RALYL: variants seen among roughly 807,000 people sequenced by gnomAD.
RALYL encodes the protein RALY RNA binding protein like.
In RALYL, 29 loss-of-function variants were observed where a neutral mutation model predicts 35.1. The ratio of observed to expected loss-of-function variants is 0.83; its 90% CI spans 0.61 to 1.13. RALYL has a LOEUF of 1.13. Among genes scored for constraint, RALYL ranks in the 50% most tolerant of loss-of-function variants. The pLI is 0.00. For missense variants in RALYL, 359 were observed against 360.4 expected (o/e 1.00, Z 0.03); for synonymous variants, 120 against 127.6 (o/e 0.94, Z 0.40).
At chr8:84,555,073 G>A (rs1022607730) in intron 2 of RALYL, among the ~76,000 whole-genome samples, 9 of 152,142 alleles carry the variant, frequency 5.9e-5, no homozygotes, top group Non-Finnish European at 8.8e-5. Context: ...GAGGTCAGGC[G>A]TTCAAGACCA....
At chr8:84,535,527 C>T (rs2059542439) in intron 2 of RALYL, among the ~76,000 whole-genome samples, 1 of 151,940 alleles carries the variant, frequency 6.6e-6, no homozygotes, top group African/African-American at 2.4e-5. Flanking sequence ...GCTCCGCCTC[C>T]TGGGTTCACG....
chr8:84,444,644 T>C (rs1482360158), intron 1 of RALYL, among the ~76,000 whole-genome samples: 2 of 152,044 alleles, frequency 1.3e-5, no homozygotes, highest in Admixed American at 6.6e-5. Context: ...ACCACAGATA[T>C]AGTGGAACAA....
intron 8 of RALYL, among the ~76,000 whole-genome samples, chr8:84,891,205 C>CAAATATTGGATG (rs1437573010): frequency 2.0e-5 from 3 of 151,936 alleles, no homozygotes; most frequent in African/African-American, 4.8e-5. Context: ...GAAGTCACTC[C>CAAATATTGGATG]AAATATTGGA....
chr8:84,303,567 T>TGTAG (rs1176208974), intron 1 of RALYL, among the ~76,000 whole-genome samples: 5 of 152,284 alleles, frequency 3.3e-5, no homozygotes, highest in African/African-American at 1.2e-4. Flanking sequence ...CAGAGAGAGA[T>TGTAG]GTAGGTATTT....
At chr8:84,207,596 A>AC (rs1243259379) in intron 1 of RALYL, among the ~76,000 whole-genome samples, 1 of 152,072 alleles carries the variant, frequency 6.6e-6, no homozygotes, top group Non-Finnish European at 1.5e-5. Flanking sequence ...GGTCAAAGGT[A>AC]CAGTGTTTCA....
chr8:84,868,241 C>G (rs555375635), intron 6 of RALYL, among the ~76,000 whole-genome samples: 2 of 152,258 alleles, frequency 1.3e-5, no homozygotes, highest in East Asian at 1.9e-4. Flanking sequence ...GAGTATCACT[C>G]TGTCACCCAG....
intron 1 of RALYL, among the ~76,000 whole-genome samples, chr8:84,476,019 A>G (rs2053364680): frequency 6.6e-6 from 1 of 152,214 alleles, no homozygotes; most frequent in Non-Finnish European, 1.5e-5. Context: ...AATATTTGTT[A>G]TTACTACATT....
chr8:84,283,321 G>A (rs964888982), intron 1 of RALYL, among the ~76,000 whole-genome samples: 8 of 152,244 alleles, frequency 5.3e-5, no homozygotes, highest in African/African-American at 2.4e-5. Flanking sequence ...AAAATCATAT[G>A]TTTGCACATC....
chr8:84,631,072 A>G (rs1194418513), intron 2 of RALYL, among the ~76,000 whole-genome samples: 3 of 152,020 alleles, frequency 2.0e-5, no homozygotes, highest in African/African-American at 7.2e-5. Context: ...AAGTGTGATC[A>G]TAAGGAGATT....
At chr8:84,877,266 C>T (rs1052284817) in intron 7 of RALYL, among the ~76,000 whole-genome samples, 6 of 152,062 alleles carry the variant, frequency 3.9e-5, no homozygotes, top group African/African-American at 1.4e-4. Flanking sequence ...GCAAGTGGAT[C>T]ACTTGAGGTT....
At chr8:84,447,911 C>T (rs965726473) in intron 1 of RALYL, among the ~76,000 whole-genome samples, 6 of 151,758 alleles carry the variant, frequency 4.0e-5, no homozygotes, top group East Asian at 3.9e-4. Flanking sequence ...AGGAAGTGAA[C>T]GCATTATAAT....
intron 1 of RALYL, among the ~76,000 whole-genome samples, chr8:84,326,720 C>A (rs1474734530): frequency 6.6e-6 from 1 of 151,916 alleles, no homozygotes; most frequent in Non-Finnish European, 1.5e-5. Flanking sequence ...AGGTAAAATG[C>A]AATTATATGT....
intron 1 of RALYL, among the ~76,000 whole-genome samples, chr8:84,349,926 T>C (rs962022478): frequency 6.7e-6 from 1 of 150,186 alleles, no homozygotes; most frequent in African/African-American, 2.5e-5. Flanking sequence ...ACCAAGTATA[T>C]CCAGACACCA....
At chr8:84,873,169 T>A in intron 6 of RALYL, 115 bp from the exon 7 acceptor site, 1 of 541,194 alleles carries the variant, frequency 1.8e-6, no homozygotes, top group East Asian at 3.0e-5. Flanking sequence ...TTGAAAAATG[T>A]CCTATGTGAT....
chr8:84,246,199 C>T (rs908961716), intron 1 of RALYL, among the ~76,000 whole-genome samples: 7 of 152,058 alleles, frequency 4.6e-5, no homozygotes, highest in Non-Finnish European at 7.4e-5. Context: ...CCCTTCCTTC[C>T]TCACCCTGCC....
chr8:84,853,864 G>C (rs1006480484), intron 5 of RALYL, among the ~76,000 whole-genome samples: 1 of 152,084 alleles, frequency 6.6e-6, no homozygotes, highest in Non-Finnish European at 1.5e-5. Flanking sequence ...TTTAGCAGAG[G>C]TGCAAACTTG....
intron 2 of RALYL, among the ~76,000 whole-genome samples, chr8:84,654,582 C>G (rs1292207357): frequency 6.6e-6 from 1 of 151,868 alleles, no homozygotes; most frequent in Non-Finnish European, 1.5e-5. Flanking sequence ...CCTACCACCA[C>G]TGCTCTTTCC....
chr8:84,684,662 C>A (rs1188275002), intron 2 of RALYL, among the ~76,000 whole-genome samples: 1 of 152,096 alleles, frequency 6.6e-6, no homozygotes, highest in Non-Finnish European at 1.5e-5. Context: ...GAAAGGTATG[C>A]AGAATTAAAA....
chr8:84,798,329 TA>T (rs11337488), intron 3 of RALYL, among the ~76,000 whole-genome samples: 109,042 of 150,396 alleles, frequency 0.73, 39,820 homozygotes, highest in East Asian at 0.87. Flanking sequence ...ACTCAGAGAT[TA>T]AAAAAAAAAA....
Sources: allele counts gnomAD v4.1 joint callset (sites outside exome capture counted in the v4.1 genomes callset), GRCh38; gene constraint gnomAD v4.1.1; transcripts MANE v1.5; gene names NCBI Gene and HGNC (gene_info 2026-07-23, HGNC 2026-07-21).